Variants in ERLIN1 observed in about 807,000 individuals in gnomAD.
ERLIN1 encodes the protein ER lipid raft associated 1.
A neutral mutation model predicts 46.9 loss-of-function variants in ERLIN1; 24 were observed. That is an observed-to-expected ratio of 0.51 (90% CI 0.37 to 0.72). The LOEUF is 0.72. Ranked by LOEUF, ERLIN1 falls within the 30% of genes least tolerant of loss-of-function variation. The probability of loss-of-function intolerance (pLI) is 0.00; values close to 1 mark genes in which losing one functional copy is unlikely to be tolerated. For synonymous variants in ERLIN1, 158 were observed against 143.2 expected (o/e 1.10, Z -0.74); for missense variants, 293 against 417.9 (o/e 0.70, Z 2.61).
chr10:100,160,416 G>A (rs1429529580), intron 8 of ERLIN1, among the ~76,000 whole-genome samples: 2 of 151,990 alleles, frequency 1.3e-5, no homozygotes, highest in African/African-American at 4.8e-5. Context: ...TCATCTTGGG[G>A]ATAGTATAAC....
At position 100,183,777 on chromosome 10, in the gene ERLIN1, A is replaced by T; in HGVS notation, c.174T>A (p.Ile58=). ...GPGYHIMLPF[I]TTFRSVQTTL... is the part of the protein sequence containing the mutation. ...TCACCTGCACAGATCTGAACGTAGT[A>T]ATGAAAGGCAACATGATATGATAGC... Residue 58 remains isoleucine (I), a synonymous_variant, in exon 2 of 11, where the codon ATT becomes ATA. Transcript: ENST00000421367. The T allele has an allele frequency of 6.2e-7, 1 of 1,613,234 alleles. No individual in the cohort carries two copies. The highest frequency in any genetic ancestry group is 2.2e-5 in the East Asian group (1 of 44,868).
rs1400928426 is a variant in ERLIN1, at chr10:100,174,213, T to G, written c.499A>C (p.Ile167Leu). Residue 167 changes from isoleucine to leucine, a missense_variant, in exon 6 of 11, where the codon ATA becomes CTA. Ile to Leu is a conservative substitution (Grantham distance 5, BLOSUM62 2). This residue lies in a region of ERLIN1 where 148 missense variants were observed against 266.5 expected (regional missense o/e 0.56). Transcript: ENST00000421367. ...DLNLMAPGLT[I>L]QAVRVTKPKI... ...TCCCTAGGAAAAGAACTTACCTGTA[T>G]AGTGAGACCTGGGGCCATGAGGTTT... is the stretch of plus-strand genomic sequence containing the variant. The G allele has an allele frequency of 6.4e-7, 1 of 1,559,186 alleles. No homozygotes were observed. The highest frequency in any genetic ancestry group is 1.9e-5 in the Admixed American group (1 of 52,226).
intron 6 of ERLIN1, among the ~76,000 whole-genome samples, chr10:100,172,819 G>T (rs1844079639): frequency 6.6e-6 from 1 of 152,126 alleles, no homozygotes; most frequent in South Asian, 2.1e-4. Context: ...GCAAAAAACT[G>T]GGAACAGAAA....
At chr10:100,163,765 TC>T (rs1297734252) in intron 8 of ERLIN1, among the ~76,000 whole-genome samples, 2 of 152,198 alleles carry the variant, frequency 1.3e-5, no homozygotes, top group African/African-American at 4.8e-5. Flanking sequence ...TTCTCCCTGT[TC>T]TTGAAAGAGA....
chr10:100,176,902 C>T (rs978207012), intron 4 of ERLIN1, among the ~76,000 whole-genome samples: 2 of 152,106 alleles, frequency 1.3e-5, no homozygotes, highest in Non-Finnish European at 2.9e-5. Context: ...GTGGGTGGAT[C>T]ATTTGAGTCA....
Position 100,156,125 on chromosome 10 carries a change from A to G in ERLIN1, c.745+20T>C. ...GGCAGTTCGGGACAGGCAGAGCTTC[A>G]TCCTCTCCCCACAATGTACCTTCGA... is the stretch of plus-strand genomic sequence containing the variant. On this transcript the variant is annotated intron_variant, in intron 9 of 10. Transcript: ENST00000421367. 1 of 1,548,308 alleles carries G rather than the reference A, an allele frequency of 6.5e-7. No individual in the cohort carries two copies. The highest frequency in any genetic ancestry group is 8.9e-7 in the Non-Finnish European group (1 of 1,122,970).
intron 8 of ERLIN1, among the ~76,000 whole-genome samples, chr10:100,157,007 C>T (rs576473636): frequency 6.6e-6 from 1 of 151,778 alleles, no homozygotes; most frequent in Non-Finnish European, 1.5e-5. Context: ...AGAGTGAGGC[C>T]CTGCCTCAAA....
chr10:100,166,061 A>G (rs970373302), intron 7 of ERLIN1, among the ~76,000 whole-genome samples: 8 of 152,196 alleles, frequency 5.3e-5, no homozygotes. Context: ...TCACATCCAT[A>G]ATCTACCCAG....
intron 7 of ERLIN1, among the ~76,000 whole-genome samples, chr10:100,167,103 T>C (rs1843687361): frequency 6.6e-6 from 1 of 152,244 alleles, no homozygotes; most frequent in South Asian, 2.1e-4. Flanking sequence ...GCAATAGTTT[T>C]ACAGCAAACT....
chr10:100,180,431 T>C (rs1023093652), intron 2 of ERLIN1, among the ~76,000 whole-genome samples: 1 of 152,006 alleles, frequency 6.6e-6, no homozygotes, highest in African/African-American at 2.4e-5. Context: ...TAAACTGAAC[T>C]GTTAAGTGGT....
chr10:100,179,340 G>GT (rs1844499039), intron 2 of ERLIN1, 93 bp from the exon 3 acceptor site: 4 of 807,326 alleles, frequency 5.0e-6, no homozygotes, highest in Non-Finnish European at 8.5e-6. Flanking sequence ...GCTGCTGACA[G>GT]TAAGTACAGC....
intron 2 of ERLIN1, among the ~76,000 whole-genome samples, chr10:100,182,196 T>TC (rs1369394974): frequency 3.3e-5 from 5 of 151,134 alleles, no homozygotes; most frequent in Non-Finnish European, 7.4e-5. Context: ...CTTGATTTTT[T>TC]TTTTTTTTTT....
At chr10:100,161,993 C>A (rs912558334) in intron 8 of ERLIN1, among the ~76,000 whole-genome samples, 2 of 151,856 alleles carry the variant, frequency 1.3e-5, no homozygotes, top group Admixed American at 1.3e-4. Context: ...TTACTTTGGA[C>A]TAGGGAAAGA....
intron 10 of ERLIN1, among the ~76,000 whole-genome samples, chr10:100,154,449 T>C (rs766925061): frequency 6.6e-6 from 1 of 152,178 alleles, no homozygotes; most frequent in Non-Finnish European, 1.5e-5. Context: ...CTACAATGCA[T>C]GAGATGGTCT....
At chr10:100,156,310 A>C in intron 8 of ERLIN1, 76 bp from the exon 9 acceptor site, 1 of 848,084 alleles carries the variant, frequency 1.2e-6, no homozygotes, top group Non-Finnish European at 2.0e-6. Context: ...CCAGCAGCAC[A>C]CAGTCTAACA....
chr10:100,162,251 A>G (rs1315497384), intron 8 of ERLIN1, among the ~76,000 whole-genome samples: 2 of 152,202 alleles, frequency 1.3e-5, no homozygotes, highest in African/African-American at 4.8e-5. Flanking sequence ...TTCATATAAC[A>G]ACAACAAAAA....
chr10:100,162,993 TG>T (rs1564803349), intron 8 of ERLIN1, among the ~76,000 whole-genome samples: 23 of 152,104 alleles, frequency 1.5e-4, no homozygotes, highest in Non-Finnish European at 2.9e-4. Flanking sequence ...AACTCCTCAT[TG>T]GTAATTCATT....
intron 6 of ERLIN1, among the ~76,000 whole-genome samples, chr10:100,168,135 CT>C (rs1162004161): frequency 6.6e-6 from 1 of 152,132 alleles, no homozygotes; most frequent in African/African-American, 2.4e-5. Flanking sequence ...AGGACTTGAT[CT>C]CTCAAAAGCT....
At chr10:100,177,537 A>G (rs1844380870) in intron 4 of ERLIN1, among the ~76,000 whole-genome samples, 1 of 152,178 alleles carries the variant, frequency 6.6e-6, no homozygotes, top group South Asian at 2.1e-4. Context: ...TCATCTTTTC[A>G]AATTATTCTT....
Sources: gnomAD v4.1 joint callset for allele counts (sites outside exome capture counted in the v4.1 genomes callset) on GRCh38, gnomAD v4.1.1 for gene constraint, gnomAD v4.1.1 regional missense constraint, MANE v1.5 for transcripts, NCBI Gene and HGNC (gene_info 2026-07-23, HGNC 2026-07-21) for gene names.